Variants in ANTXRL observed in about 807,000 individuals in gnomAD.
ANTXRL encodes the protein anthrax toxin receptor-like.
In ANTXRL, 63 loss-of-function variants were observed where a neutral mutation model predicts 75.4. The ratio of observed to expected loss-of-function variants is 0.84; its 90% CI spans 0.68 to 1.03. ANTXRL has a LOEUF of 1.03. ANTXRL is among the 50% of genes least tolerant of loss of function. The pLI is 0.00. For missense variants in ANTXRL, 797 were observed against 789.4 expected (o/e 1.01, Z -0.12); for synonymous variants, 335 against 291.3 (o/e 1.15, Z -1.53).
upstream of ANTXRL, among the ~76,000 whole-genome samples, chr10:46,286,768 C>A (rs1836783437): frequency 1.3e-5 from 2 of 152,158 alleles, no homozygotes; most frequent in African/African-American, 4.8e-5. Context: ...CCTTGACCTC[C>A]TCACCCACAG....
At chr10:46,286,587 T>C, upstream of ANTXRL, 1 of 152,886 alleles carries the variant, frequency 6.5e-6, no homozygotes, top group Admixed American at 6.5e-5. Context: ...GCCTGTTCTG[T>C]GTCCCTAAAT....
intron 10 of ANTXRL, among the ~76,000 whole-genome samples, chr10:46,305,185 T>G (rs1479214873): frequency 6.6e-6 from 1 of 152,196 alleles, no homozygotes; most frequent in East Asian, 1.9e-4. Flanking sequence ...CAGTGTGCCT[T>G]CCCTGGCGGC....
intron 16 of ANTXRL, among the ~76,000 whole-genome samples, chr10:46,326,400 G>A (rs1315365377): frequency 3.9e-5 from 6 of 152,132 alleles, no homozygotes; most frequent in Admixed American, 3.9e-4. Context: ...AGATCCCTCA[G>A]GCTGGGTGGC....
chr10:46,310,466 C>T lies in ANTXRL; in HGVS notation c.1140C>T (p.Val380=). The T allele has an allele frequency of 2.6e-6, 4 of 1,536,362 alleles. No homozygotes were observed. Among genetic ancestry groups the T allele is most frequent in the Non-Finnish European group, 3.5e-6 (4 of 1,146,808 alleles). The change falls in exon 14 of 17, where the codon GTC becomes GTT. Residue 380 remains valine (V), a synonymous_variant. Transcript: ENST00000620264. ...CVWRLCRKQT[V]KEPPPVQKPE... ...GTCTCTTTTGAACATTCTAGACTGT[C>T]AAGGAGCCACCACCTGTGCAGAAGC...
chr10:46,309,887 G>A (rs1373864653), intron 13 of ANTXRL, among the ~76,000 whole-genome samples: 1 of 152,154 alleles, frequency 6.6e-6, no homozygotes, highest in Non-Finnish European at 1.5e-5. Context: ...CAAAAGCAGA[G>A]ATGGAGCCCG....
chr10:46,297,138 C>T (rs1554958994), intron 5 of ANTXRL, 114 bp from the exon 6 acceptor site: 6 of 855,212 alleles, frequency 7.0e-6, no homozygotes, highest in African/African-American at 6.8e-5. Context: ...GGGCACGTGG[C>T]CATGCCCTGG....
intron 16 of ANTXRL, 65 bp from the exon 17 acceptor site, chr10:46,329,534 C>A: frequency 6.7e-7 from 1 of 1,498,338 alleles, no homozygotes; most frequent in Non-Finnish European, 8.9e-7. Context: ...GCCAGGCAAC[C>A]GCAGCCTTCT....
chr10:46,307,805 C>T (rs1838182846), intron 12 of ANTXRL, among the ~76,000 whole-genome samples: 1 of 152,134 alleles, frequency 6.6e-6, no homozygotes, highest in Non-Finnish European at 1.5e-5. Flanking sequence ...CTGCTGATGA[C>T]CCTGGCCCCT....
rs192798365 is a variant in ANTXRL, at chr10:46,313,269, G to A, written c.1363G>A (p.Ala455Thr). 25 of 1,535,616 alleles carry A rather than the reference G, an allele frequency of 1.6e-5. No homozygotes were observed. The highest frequency in any genetic ancestry group is 1.5e-5 in the Non-Finnish European group (17 of 1,146,482). The change falls in exon 16 of 17, where the codon GCA becomes ACA. Residue 455 changes from alanine (A) to threonine (T), a missense_variant. Coordinates refer to ENST00000620264, the MANE Select transcript of ANTXRL (RefSeq NM_001278688.3). ...NLDTFCDLSH[A>T]SCHQVPWMCC... ...GGATACCTTTTGTGACCTCTCTCACGCAAGCTGCCACCAGGTGCCATGGAT... is the reference window on the plus strand; with the variant it reads ...GGATACCTTTTGTGACCTCTCTCACACAAGCTGCCACCAGGTGCCATGGAT...
At chr10:46,311,117 G>A (rs1838394934) in intron 14 of ANTXRL, among the ~76,000 whole-genome samples, 1 of 152,116 alleles carries the variant, frequency 6.6e-6, no homozygotes. Flanking sequence ...TGAGGCAGGA[G>A]GCCCTGGGCC....
At chr10:46,302,669 G>A (rs1372301608) in intron 9 of ANTXRL, 53 bp from the exon 10 acceptor site, 4 of 1,325,044 alleles carry the variant, frequency 3.0e-6, no homozygotes, top group Non-Finnish European at 4.2e-6. Flanking sequence ...AGGTCAGAGG[G>A]GAGGCAGCCC....
At chr10:46,293,461 AGTGT>A (rs10546433) in intron 2 of ANTXRL, among the ~76,000 whole-genome samples, 2 of 136,912 alleles carry the variant, frequency 1.5e-5, no homozygotes, top group Admixed American at 1.4e-4. Flanking sequence ...TGCATGTGTG[AGTGT>A]GTGTGTATGC....
intron 13 of ANTXRL, 30 bp from the exon 14 acceptor site, chr10:46,310,431 G>A (rs1554963140): frequency 1.3e-6 from 2 of 1,535,818 alleles, no homozygotes; most frequent in East Asian, 4.9e-5. Flanking sequence ...CCCCCATCCA[G>A]CCTGTGTTTG....
Position 46,328,334 on chromosome 10 carries a change from G to C in ANTXRL, c.1411-1265G>C, listed in dbSNP as rs561247377. 1.2e-3 allele frequency among the ~76,000 whole-genome samples: 189 copies of C among 152,232 alleles called. 2 individuals are homozygous for C. The highest frequency in any genetic ancestry group is 4.3e-3 in the African/African-American group (179 of 41,524). ...CTCTGAGAAAGATTGTTATCTAATT[G>C]CCTGCCTGCTAAGCCCCAAGAGAAC... On this transcript the variant is annotated intron_variant, in intron 16 of 16. Coordinates refer to ENST00000620264, the MANE Select transcript of ANTXRL (RefSeq NM_001278688.3).
At chr10:46,298,390 T>G (rs1308752918) in intron 9 of ANTXRL, among the ~76,000 whole-genome samples, 1 of 151,586 alleles carries the variant, frequency 6.6e-6, no homozygotes, top group Non-Finnish European at 1.5e-5. Flanking sequence ...GCTGTGAGTG[T>G]GGTGTGTGTG....
At chr10:46,326,979 C>G (rs1268128023) in intron 16 of ANTXRL, among the ~76,000 whole-genome samples, 3 of 152,048 alleles carry the variant, frequency 2.0e-5, no homozygotes, top group Non-Finnish European at 4.4e-5. Flanking sequence ...AGGAGAGAGA[C>G]AGGCTGTCTG....
intron 10 of ANTXRL, among the ~76,000 whole-genome samples, chr10:46,304,171 C>G (rs1285305617): frequency 3.3e-5 from 5 of 152,156 alleles, no homozygotes; most frequent in Non-Finnish European, 5.9e-5. Flanking sequence ...TTACTGAGCA[C>G]TTATATCAGA....
chr10:46,308,790 A>C, intron 12 of ANTXRL: 1 of 397,990 alleles, frequency 2.5e-6, no homozygotes, highest in South Asian at 2.4e-5. Flanking sequence ...CTGCACCTCC[A>C]CCCTCACCTG....
intron 9 of ANTXRL, among the ~76,000 whole-genome samples, chr10:46,300,005 T>G (rs529160073): frequency 6.6e-6 from 1 of 152,320 alleles, no homozygotes; most frequent in African/African-American, 2.4e-5. Flanking sequence ...GCAGCCAGTG[T>G]GACAGCTGTG....
Sources: allele counts gnomAD v4.1 joint callset (sites outside exome capture counted in the v4.1 genomes callset), GRCh38; gene constraint gnomAD v4.1.1; transcripts MANE v1.5; gene names NCBI Gene and HGNC (gene_info 2026-07-23, HGNC 2026-07-21).